Variants in FAM135B observed in about 807,000 individuals in gnomAD.
FAM135B encodes protein FAM135B.
FAM135B carries 43 observed loss-of-function variants against 127.7 expected under a neutral mutation model. That is an observed-to-expected ratio of 0.34 (90% CI 0.26 to 0.43). The LOEUF (loss-of-function observed/expected upper bound fraction) is 0.43. FAM135B is among the 20% of genes least tolerant of loss of function. The probability of loss-of-function intolerance (pLI) is 1.00; values close to 1 mark genes in which losing one functional copy is unlikely to be tolerated. For synonymous variants in FAM135B, 670 were observed against 665.1 expected (o/e 1.01, Z -0.11); for missense variants, 1,558 against 1,725.6 (o/e 0.90, Z 1.72).
chr8:138,164,685 C>T (rs913819240), intron 12 of FAM135B, among the ~76,000 whole-genome samples: 3 of 152,164 alleles, frequency 2.0e-5, no homozygotes, highest in African/African-American at 4.8e-5. Flanking sequence ...AGAATTGTCC[C>T]GTCTTTCCAC....
intron 1 of FAM135B, chr8:138,459,018 T>C (rs1216831562): frequency 6.6e-6 from 1 of 152,490 alleles, no homozygotes; most frequent in Non-Finnish European, 1.5e-5. Flanking sequence ...CAGCAGAGGT[T>C]GGGCGTCTGA....
intron 7 of FAM135B, among the ~76,000 whole-genome samples, chr8:138,236,713 T>C (rs1820302549): frequency 6.6e-6 from 1 of 152,196 alleles, no homozygotes; most frequent in Non-Finnish European, 1.5e-5. Flanking sequence ...CCAGCATATT[T>C]GATGTAAAGT....
intron 2 of FAM135B, among the ~76,000 whole-genome samples, chr8:138,324,594 A>T (rs1827672340): frequency 6.6e-6 from 1 of 152,240 alleles, no homozygotes; most frequent in South Asian, 2.1e-4. Flanking sequence ...GATACCTGAC[A>T]GTGTTCCAAC....
At chr8:138,167,845 C>T (rs759892027) in intron 12 of FAM135B, 50 bp downstream of exon 12, 5 of 1,537,640 alleles carry the variant, frequency 3.3e-6, no homozygotes, top group Admixed American at 1.9e-5. Context: ...TTGTCAGAAT[C>T]CCACTGGAAA....
chr8:138,317,009 G>A (rs1490310082), intron 2 of FAM135B, among the ~76,000 whole-genome samples: 1 of 151,704 alleles, frequency 6.6e-6, no homozygotes, highest in Non-Finnish European at 1.5e-5. Flanking sequence ...ACATACAACT[G>A]TCAAACAACC....
chr8:138,197,072 C>T (rs4384027), intron 8 of FAM135B, among the ~76,000 whole-genome samples: 2,014 of 123,046 alleles, frequency 0.016, 53 homozygotes, highest in African/African-American at 0.07. Flanking sequence ...TATATGTATG[C>T]ATATGTGTGT....
At chr8:138,226,611 G>A (rs578043214) in intron 7 of FAM135B, among the ~76,000 whole-genome samples, 1 of 152,220 alleles carries the variant, frequency 6.6e-6, no homozygotes, top group South Asian at 2.1e-4. Context: ...GTGGAGGCTG[G>A]AGTGCAGTAG....
rs761660500 is a variant in FAM135B, at chr8:138,227,714, CTTTTTT to C, written c.669+15222_669+15227del. Among the ~76,000 whole-genome samples the C allele has an allele frequency of 6.8e-3, 558 of 81,830 alleles. 7 individuals are homozygous for C. Among genetic ancestry groups the C allele is most frequent in the African/African-American group, 0.024 (522 of 22,008 alleles). 53.7% of individuals were successfully genotyped at this position (81,830 alleles called of 152,430 possible). ...TCTGGTGTGTTTTAATTTTGTCTCT[CTTTTTT>C]TTTTTTTTTTTTTTTTTTGGTGGTG... On this transcript the variant is annotated intron_variant, in intron 7 of 19. Coordinates refer to ENST00000395297, the MANE Select transcript of FAM135B (RefSeq NM_015912.4).
intron 1 of FAM135B, among the ~76,000 whole-genome samples, chr8:138,464,101 A>C (rs1170405861): frequency 6.6e-6 from 1 of 152,214 alleles, no homozygotes; most frequent in Non-Finnish European, 1.5e-5. Context: ...TGTCAGAGCC[A>C]TGCATCAGGC....
chr8:138,442,267 T>TATATATATATATACATAC (rs34280434), intron 1 of FAM135B, among the ~76,000 whole-genome samples: 11 of 86,750 alleles, frequency 1.3e-4, no homozygotes, highest in Admixed American at 3.7e-4. Context: ...TATATATATA[T>TATATATATATATACATAC]ATATATATAT....
chr8:138,403,719 T>C (rs1342388700), intron 1 of FAM135B, among the ~76,000 whole-genome samples: 2 of 152,170 alleles, frequency 1.3e-5, no homozygotes. Context: ...TCTGTGCCTC[T>C]TCTGAATGGT....
intron 3 of FAM135B, among the ~76,000 whole-genome samples, chr8:138,300,768 T>A (rs958318203): frequency 6.8e-6 from 1 of 147,526 alleles, no homozygotes; most frequent in African/African-American, 2.5e-5. Flanking sequence ...TTTTTTTTTT[T>A]AGAGACTGAG....
chr8:138,281,871 C>T (rs1824294399), intron 3 of FAM135B, among the ~76,000 whole-genome samples: 1 of 152,172 alleles, frequency 6.6e-6, no homozygotes, highest in South Asian at 2.1e-4. Context: ...AGTGCAGTGG[C>T]ACATTAATGG....
chr8:138,141,572 C>G lies in FAM135B; in HGVS notation c.3639-223G>C, dbSNP rs988338139. Among the ~76,000 whole-genome samples, 2 of 152,310 alleles carry G rather than the reference C, an allele frequency of 1.3e-5. No individual in the cohort carries two copies. The highest frequency in any genetic ancestry group is 6.5e-5 in the Admixed American group (1 of 15,304). ...TGTGAATGGGAGCTTTGTGCCCAGTCAGGGGAGAAGTGTGGGCATTTCAGC... is the reference window on the plus strand; with the variant it reads ...TGTGAATGGGAGCTTTGTGCCCAGTGAGGGGAGAAGTGTGGGCATTTCAGC... On this transcript the variant is annotated intron_variant, in intron 16 of 19. Transcript: ENST00000395297. The surrounding 1 kb of genome is among the most constrained non-coding windows in gnomAD (Gnocchi z 4.7).
At chr8:138,426,026 TATACACAC>T (rs1834855238) in intron 1 of FAM135B, among the ~76,000 whole-genome samples, 11 of 41,228 alleles carry the variant, frequency 2.7e-4, no homozygotes, top group Admixed American at 1.2e-3. Flanking sequence ...CACACATACA[TATACACAC>T]ACACACACAC....
chr8:138,173,566 G>A (rs574842701), intron 11 of FAM135B, among the ~76,000 whole-genome samples: 3 of 152,222 alleles, frequency 2.0e-5, no homozygotes, highest in South Asian at 4.1e-4. Context: ...AACATTAAAC[G>A]AGCCAAAGCA....
intron 2 of FAM135B, among the ~76,000 whole-genome samples, chr8:138,315,536 C>T (rs531647044): frequency 2.6e-5 from 4 of 152,216 alleles, no homozygotes; most frequent in African/African-American, 9.6e-5. Flanking sequence ...TTCATTGCGG[C>T]ATTAGTCACA....
At chr8:138,469,300 G>A (rs764339174) in intron 1 of FAM135B, among the ~76,000 whole-genome samples, 2 of 152,246 alleles carry the variant, frequency 1.3e-5, no homozygotes, top group Middle Eastern at 3.4e-3. Flanking sequence ...TAAGGAACTC[G>A]ATGATGAAGG....
intron 1 of FAM135B, among the ~76,000 whole-genome samples, chr8:138,496,354 A>C (rs1267164767): frequency 6.6e-6 from 1 of 152,064 alleles, no homozygotes; most frequent in African/African-American, 2.4e-5. Flanking sequence ...CCCTGGCTCC[A>C]AGGACCCCAA....
Sources: allele counts gnomAD v4.1 joint callset (sites outside exome capture counted in the v4.1 genomes callset), GRCh38; gene constraint gnomAD v4.1.1; non-coding constraint Gnocchi (gnomAD v3.1); transcripts MANE v1.5; gene names NCBI Gene and HGNC (gene_info 2026-07-23, HGNC 2026-07-21).